The following PPP4R2 variants were observed in gnomAD, a reference collection of about 807,000 sequenced individuals.
The protein encoded by PPP4R2 is serine/threonine-protein phosphatase 4 regulatory subunit 2.
PPP4R2 carries 13 observed loss-of-function variants against 47.2 expected under a neutral mutation model. That is an observed-to-expected ratio of 0.28 (90% confidence interval 0.18 to 0.44). The LOEUF (loss-of-function observed/expected upper bound fraction) is 0.44. Ranked by LOEUF, PPP4R2 falls within the 20% of genes least tolerant of loss-of-function variation. PPP4R2 has a pLI of 1.00. For missense variants in PPP4R2, 421 were observed against 491.2 expected, an observed-to-expected ratio of 0.86 and a Z score of 1.35; for synonymous variants, 151 against 163.3, an observed-to-expected ratio of 0.92 and a Z score of 0.57.
At chr3:73,012,513 G>T (rs1701746302) in intron 2 of PPP4R2, among the ~76,000 whole-genome samples, 1 of 152,142 alleles carries the variant, frequency 6.6e-6, no homozygotes, top group African/African-American at 2.4e-5. Flanking sequence ...ATGTTAGCCA[G>T]GATGGTCTTG....
intron 2 of PPP4R2, among the ~76,000 whole-genome samples, chr3:72,999,322 C>CTG (rs1349784913): frequency 1.3e-5 from 2 of 152,286 alleles, no homozygotes; most frequent in African/African-American, 2.4e-5. Context: ...CAATGTAAAA[C>CTG]TGTTAATTTG....
At chr3:73,023,493 G>A (rs1363559632) in intron 2 of PPP4R2, among the ~76,000 whole-genome samples, 1 of 152,122 alleles carries the variant, frequency 6.6e-6, no homozygotes, top group African/African-American at 2.4e-5. Flanking sequence ...GCCAGAATAA[G>A]ATTTCTTTAA....
intron 1 of PPP4R2, among the ~76,000 whole-genome samples, chr3:72,997,695 G>A (rs1267022887): frequency 1.3e-5 from 2 of 152,196 alleles, no homozygotes; most frequent in African/African-American, 4.8e-5. Flanking sequence ...GCAACTTGGG[G>A]TAGTTGGTGC....
At chr3:72,997,354 A>T in intron 1 of PPP4R2, 2 of 335,330 alleles carry the variant, frequency 6.0e-6, no homozygotes, top group Non-Finnish European at 1.1e-5. Flanking sequence ...TCAGGGGACG[A>T]GTGGCGGACC....
rs138885107 is a variant in PPP4R2, at chr3:73,021,093, A to T, written c.116+22935A>T. On this transcript the variant is annotated intron_variant, in intron 2 of 8. Transcript: ENST00000356692. ...GTTTACTGGTTAAATTCAGGTATGG[A>T]TTGCTTTATGCAGATATGTTTTTGA... Among the ~76,000 whole-genome samples the T allele has an allele frequency of 5.2e-3, 784 of 152,184 alleles. 7 individuals carry two copies. Among genetic ancestry groups the T allele is most frequent in the African/African-American group, 0.018 (756 of 41,522 alleles).
chr3:73,016,427 C>T lies in PPP4R2; in HGVS notation c.116+18269C>T, dbSNP rs142739163. Among the ~76,000 whole-genome samples, 612 of 152,210 alleles carry T rather than the reference C, an allele frequency of 4.0e-3. 12 individuals carry two copies. Among genetic ancestry groups the T allele is most frequent in the Admixed American group, 0.033 (501 of 15,290 alleles). On this transcript the variant is annotated intron_variant, in intron 2 of 8. Transcript: ENST00000356692. Reference sequence around the variant, plus strand: ...AACATCCTATATTGCTTAGGACACTCCCCAGCAATGAAGAATTGTCTGGCC... The same window carrying T: ...AACATCCTATATTGCTTAGGACACTTCCCAGCAATGAAGAATTGTCTGGCC...
chr3:73,062,877 C>T (rs1702899045), intron 5 of PPP4R2: 2 of 1,613,300 alleles, frequency 1.2e-6, no homozygotes, highest in Non-Finnish European at 1.7e-6. Context: ...ATCCCCTCTA[C>T]ACAAGCTACG....
At chr3:73,014,628 G>C (rs1444946808) in intron 2 of PPP4R2, among the ~76,000 whole-genome samples, 1 of 152,104 alleles carries the variant, frequency 6.6e-6, no homozygotes, top group Non-Finnish European at 1.5e-5. Context: ...TGAAAATCTG[G>C]TAGGTGAAAA....
At chr3:72,997,813 C>G (rs1701381370) in intron 1 of PPP4R2, among the ~76,000 whole-genome samples, 1 of 152,024 alleles carries the variant, frequency 6.6e-6, no homozygotes, top group Non-Finnish European at 1.5e-5. Context: ...CTGGTGTTCC[C>G]CCGGACCACA....
intron 2 of PPP4R2, among the ~76,000 whole-genome samples, chr3:73,026,736 G>A (rs1194229350): frequency 6.6e-6 from 1 of 151,972 alleles, no homozygotes; most frequent in Non-Finnish European, 1.5e-5. Flanking sequence ...GCTATCATTA[G>A]TGTTAGTGTT....
At chr3:73,021,660 GAT>G (rs1005120026) in intron 2 of PPP4R2, among the ~76,000 whole-genome samples, 21 of 152,080 alleles carry the variant, frequency 1.4e-4, no homozygotes, top group Non-Finnish European at 1.5e-5. Context: ...TGTAATTCCT[GAT>G]TTTACATTGT....
At chr3:73,000,685 C>T (rs1701440342) in intron 2 of PPP4R2, among the ~76,000 whole-genome samples, 1 of 152,150 alleles carries the variant, frequency 6.6e-6, no homozygotes, top group South Asian at 2.1e-4. Flanking sequence ...AAGAGGGAAA[C>T]TATATATGTA....
At chr3:73,010,375 C>T (rs1440556259) in intron 2 of PPP4R2, among the ~76,000 whole-genome samples, 1 of 151,916 alleles carries the variant, frequency 6.6e-6, no homozygotes, top group Non-Finnish European at 1.5e-5. Context: ...AGGCATGTGC[C>T]ACCATGCCTG....
intron 3 of PPP4R2, among the ~76,000 whole-genome samples, chr3:73,052,667 G>A (rs1559565013): frequency 6.6e-6 from 1 of 152,170 alleles, no homozygotes; most frequent in Non-Finnish European, 1.5e-5. Flanking sequence ...TTTTCAAAAT[G>A]AAAGAATAAT....
intron 2 of PPP4R2, among the ~76,000 whole-genome samples, chr3:73,011,531 G>C (rs142552567): frequency 2.0e-5 from 3 of 151,912 alleles, no homozygotes; most frequent in Non-Finnish European, 4.4e-5. Flanking sequence ...TCTTATAATC[G>C]TTATTTCTGT....
chr3:73,034,587 C>T (rs995881735), intron 2 of PPP4R2, among the ~76,000 whole-genome samples: 16 of 152,266 alleles, frequency 1.1e-4, no homozygotes, highest in African/African-American at 3.9e-4. Flanking sequence ...GGCTGCAGTG[C>T]AGTGGCACAG....
rs750247055 is a variant in PPP4R2 at position 72,998,144 on chromosome 3, G to A, written c.102G>A (p.Lys34=). Residue 34 remains lysine (K), a synonymous_variant, in exon 2 of 9, where the codon AAG becomes AAA. Coordinates refer to ENST00000356692, the MANE Select transcript of PPP4R2 (RefSeq NM_174907.4). ...VLDQFLCHVA[K]TGETMIQWSQ... is the part of the protein sequence containing the mutation. ...ATCAGTTTCTTTGTCATGTAGCCAA[G>A]ACTGGAGAAACAATGTGAGTTGAAA... 1.2e-6 allele frequency: 2 copies of A among 1,604,512 alleles called. No individual in the cohort carries two copies. The highest frequency in any genetic ancestry group is 1.7e-5 in the Admixed American group (1 of 58,270).
chr3:73,008,022 C>T (rs1451752949), intron 2 of PPP4R2, among the ~76,000 whole-genome samples: 1 of 151,650 alleles, frequency 6.6e-6, no homozygotes, highest in Non-Finnish European at 1.5e-5. Context: ...AGGTCAAACC[C>T]TCAACCCCCA....
intron 3 of PPP4R2, among the ~76,000 whole-genome samples, chr3:73,047,739 CTT>C (rs1340557205): frequency 6.6e-6 from 1 of 152,054 alleles, no homozygotes; most frequent in South Asian, 2.1e-4. Context: ...TTTGTTTAGA[CTT>C]TTTTTGGAGT....
Sources: gnomAD v4.1 joint callset for allele counts (sites outside exome capture counted in the v4.1 genomes callset) on GRCh38, gnomAD v4.1.1 for gene constraint, MANE v1.5 for transcripts, NCBI Gene and HGNC (gene_info 2026-07-23, HGNC 2026-07-21) for gene names.